The following GRIK1 variants were observed in gnomAD, a reference collection of about 807,000 sequenced individuals.
GRIK1 encodes the protein glutamate ionotropic receptor kainate type subunit 1, also known as glutamate receptor ionotropic, kainate 1.
A neutral mutation model predicts 105.7 loss-of-function variants in GRIK1; 69 were observed. The observed-to-expected ratio is 0.65, with a 90% CI of 0.54 to 0.80. The LOEUF is 0.80. Ranked by LOEUF, GRIK1 falls within the 30% of genes least tolerant of loss-of-function variation. The probability of loss-of-function intolerance (pLI) is 0.00; values close to 1 mark genes in which losing one functional copy is unlikely to be tolerated. For synonymous variants in GRIK1, 438 were observed against 431.3 expected (o/e 1.02, Z -0.19); for missense variants, 1,109 against 1,167.3 (o/e 0.95, Z 0.73).
intron 13 of GRIK1, among the ~76,000 whole-genome samples, chr21:29,580,067 G>A (rs937733047): frequency 4.2e-5 from 6 of 142,462 alleles, no homozygotes; most frequent in Non-Finnish European, 9.0e-5. Flanking sequence ...ATATATATGT[G>A]TATATATATG....
At chr21:29,888,199 C>CTTTCTTTCTTTCTTCCTTCCTTTCTT (rs1391865067) in intron 1 of GRIK1, among the ~76,000 whole-genome samples, 1 of 15,790 alleles carries the variant, frequency 6.3e-5, no homozygotes, top group Non-Finnish European at 1.8e-4. Flanking sequence ...CTTTCTTTCT[C>CTTTCTTTCTTTCTTCCTTCCTTTCTT]TCTCTCTCTC....
At chr21:29,822,443 C>A (rs545811680) in intron 1 of GRIK1, among the ~76,000 whole-genome samples, 1 of 151,940 alleles carries the variant, frequency 6.6e-6, no homozygotes, top group Non-Finnish European at 1.5e-5. Context: ...TTCCAATGTA[C>A]CCATGCTTAT....
At chr21:29,666,648 A>G (rs2063064601) in intron 4 of GRIK1, among the ~76,000 whole-genome samples, 1 of 152,208 alleles carries the variant, frequency 6.6e-6, no homozygotes, top group East Asian at 1.9e-4. Flanking sequence ...TTTCTCTATG[A>G]TATCCCTACC....
rs186314534 is a variant in GRIK1, at chr21:29,789,531, T to A, written c.119-95468A>T. On this transcript the variant is annotated intron_variant, in intron 1 of 17. Transcript: ENST00000327783. Reference sequence around the variant, plus strand: ...TCCCCCATACCTGGCTCCTTCCAGGTTGGCTTACTCCTTTCTGTAAAAGAA... The same window carrying A: ...TCCCCCATACCTGGCTCCTTCCAGGATGGCTTACTCCTTTCTGTAAAAGAA... 1.5e-3 allele frequency among the ~76,000 whole-genome samples: 226 copies of A among 152,344 alleles called. 1 individual carries two copies. The highest frequency in any genetic ancestry group is 5.2e-3 in the African/African-American group (217 of 41,582).
At chr21:29,933,626 G>C (rs2071648153) in intron 1 of GRIK1, among the ~76,000 whole-genome samples, 1 of 152,190 alleles carries the variant, frequency 6.6e-6, no homozygotes, top group Non-Finnish European at 1.5e-5. Context: ...TAGAGAGAGA[G>C]AGAGAGGGAG....
At chr21:29,838,402 T>A (rs1036336090) in intron 1 of GRIK1, among the ~76,000 whole-genome samples, 1 of 152,132 alleles carries the variant, frequency 6.6e-6, no homozygotes, top group African/African-American at 2.4e-5. Flanking sequence ...TTAGCTTCCA[T>A]CTTGTTTGTA....
chr21:29,562,122 A>C (rs1405943828), intron 14 of GRIK1, among the ~76,000 whole-genome samples: 2 of 152,008 alleles, frequency 1.3e-5, no homozygotes, highest in East Asian at 3.9e-4. Context: ...TGACTAGCTC[A>C]CTCCAGGACT....
chr21:29,580,196 A>G (rs1407582864), intron 13 of GRIK1, among the ~76,000 whole-genome samples: 1 of 149,868 alleles, frequency 6.7e-6, no homozygotes. Flanking sequence ...CTAATGTCAG[A>G]GAAGACAAGC....
chr21:29,800,170 C>T (rs1283031164), intron 1 of GRIK1, among the ~76,000 whole-genome samples: 1 of 152,262 alleles, frequency 6.6e-6, no homozygotes, highest in East Asian at 1.9e-4. Flanking sequence ...AAATGAAATA[C>T]ACGATCTGGC....
intron 1 of GRIK1, among the ~76,000 whole-genome samples, chr21:29,804,328 C>G (rs1601739661): frequency 6.6e-6 from 1 of 152,226 alleles, no homozygotes; most frequent in South Asian, 2.1e-4. Flanking sequence ...ATCAGCATGT[C>G]TAGTTTCCAT....
At chr21:29,596,291 G>T in intron 9 of GRIK1, 1 of 653,290 alleles carries the variant, frequency 1.5e-6, no homozygotes. Flanking sequence ...AATAATCTTG[G>T]GGGAAATATT....
intron 12 of GRIK1, among the ~76,000 whole-genome samples, chr21:29,582,142 G>A (rs569398204): frequency 4.6e-5 from 7 of 152,270 alleles, no homozygotes; most frequent in African/African-American, 1.7e-4. Context: ...GATGTTTTTC[G>A]AATAGTCCAC....
intron 4 of GRIK1, among the ~76,000 whole-genome samples, chr21:29,666,863 CATTTT>C (rs1347665430): frequency 6.6e-6 from 1 of 152,194 alleles, no homozygotes; most frequent in African/African-American, 2.4e-5. Context: ...GAAGAGGTTA[CATTTT>C]TTTTCCTTTC....
intron 1 of GRIK1, among the ~76,000 whole-genome samples, chr21:29,797,748 A>G (rs1006057381): frequency 7.2e-5 from 11 of 152,218 alleles, no homozygotes; most frequent in Non-Finnish European, 2.9e-5. Flanking sequence ...ATGAAGAGCA[A>G]CACAATGCCT....
At chr21:29,687,824 CT>C (rs2063513147) in intron 3 of GRIK1, among the ~76,000 whole-genome samples, 1 of 152,190 alleles carries the variant, frequency 6.6e-6, no homozygotes, top group Admixed American at 6.5e-5. Context: ...ATGCCTACGT[CT>C]TTAGTTGAAC....
intron 1 of GRIK1, among the ~76,000 whole-genome samples, chr21:29,701,688 A>G (rs2063815410): frequency 6.6e-6 from 1 of 152,210 alleles, no homozygotes; most frequent in Non-Finnish European, 1.5e-5. Flanking sequence ...GAGAAGGGCA[A>G]GAACAAAGCA....
chr21:29,583,031 C>G (rs963610565), intron 12 of GRIK1, among the ~76,000 whole-genome samples: 3 of 152,122 alleles, frequency 2.0e-5, no homozygotes, highest in African/African-American at 7.2e-5. Context: ...AACCTCCAGA[C>G]ACCTTCCGGA....
At chr21:29,576,610 T>G (rs966192645) in intron 14 of GRIK1, among the ~76,000 whole-genome samples, 8 of 152,204 alleles carry the variant, frequency 5.3e-5, no homozygotes, top group Non-Finnish European at 1.2e-4. Flanking sequence ...AACCTTTATT[T>G]TATGGGTTCT....
chr21:29,629,223 T>C (rs1219582994), intron 7 of GRIK1, among the ~76,000 whole-genome samples: 3 of 150,458 alleles, frequency 2.0e-5, no homozygotes, highest in Non-Finnish European at 2.9e-5. Flanking sequence ...TGTGTGTGTG[T>C]GTGTGTGTGT....
Sources: gnomAD v4.1 joint callset for allele counts (sites outside exome capture counted in the v4.1 genomes callset) on GRCh38, gnomAD v4.1.1 for gene constraint, MANE v1.5 for transcripts, NCBI Gene and HGNC (gene_info 2026-07-23, HGNC 2026-07-21) for gene names.